Variants in GOLM2 observed in about 807,000 individuals in gnomAD.
GOLM2 encodes the protein golgi membrane protein 2, also known as protein GOLM2.
GOLM2 carries 26 observed loss-of-function variants against 55.9 expected under a neutral mutation model. The ratio of observed to expected loss-of-function variants is 0.47; its 90% CI spans 0.34 to 0.65. GOLM2 has a LOEUF of 0.65. Ranked by LOEUF, GOLM2 falls within the 30% of genes least tolerant of loss-of-function variation. The pLI, the probability that GOLM2 is intolerant of heterozygous loss-of-function variation, is 0.01. For synonymous variants in GOLM2, 165 were observed against 194.6 expected (o/e 0.85, Z 1.27); for missense variants, 486 against 531.8 (o/e 0.91, Z 0.85).
At chr15:44,300,309 C>G (rs1023827630) in intron 1 of GOLM2, among the ~76,000 whole-genome samples, 15 of 152,014 alleles carry the variant, frequency 9.9e-5, no homozygotes, top group African/African-American at 3.6e-4. Flanking sequence ...TATTGAAACC[C>G]AAGTATATTA....
intron 9 of GOLM2, among the ~76,000 whole-genome samples, chr15:44,412,957 C>T (rs573453024): frequency 2.8e-4 from 43 of 151,102 alleles, no homozygotes; most frequent in Admixed American, 1.9e-3. Context: ...GAGCCAAGAT[C>T]GCACCACTGC....
chr15:44,327,189 G>A (rs999846769), intron 2 of GOLM2, among the ~76,000 whole-genome samples: 5 of 151,010 alleles, frequency 3.3e-5, no homozygotes, highest in African/African-American at 9.7e-5. Context: ...GACCTCAGGC[G>A]ATCCACCCGC....
chr15:44,289,636 G>T lies in GOLM2; in HGVS notation c.327+280G>T, dbSNP rs952013716. Among the ~76,000 whole-genome samples, 1 of 152,226 alleles carries T rather than the reference G, an allele frequency of 6.6e-6. No homozygotes were observed. The highest frequency in any genetic ancestry group is 2.4e-5 in the African/African-American group (1 of 41,462). ...TCTAAGCTCAGCTGGTGAGTTGGCA[G>T]TAGTAATCATCTGGCCTGTGTGGCC... On this transcript the variant is annotated intron_variant, in intron 1 of 9. Transcript: ENST00000299957. This position sits in a 1 kb window ranked among gnomAD's most constrained non-coding sequence, Gnocchi z 4.8.
At chr15:44,355,113 C>A in intron 6 of GOLM2, 1 of 187,858 alleles carries the variant, frequency 5.3e-6, no homozygotes, top group Non-Finnish European at 1.1e-5. Flanking sequence ...CGAAAGCAAC[C>A]TCACAATCAT....
intron 1 of GOLM2, among the ~76,000 whole-genome samples, chr15:44,300,892 G>C (rs190761464): frequency 6.6e-6 from 1 of 152,124 alleles, no homozygotes; most frequent in Non-Finnish European, 1.5e-5. Flanking sequence ...TTCTTACACT[G>C]TTTCTGGCCA....
intron 8 of GOLM2, among the ~76,000 whole-genome samples, chr15:44,398,565 A>G (rs2079542402): frequency 6.6e-6 from 1 of 151,630 alleles, no homozygotes; most frequent in Non-Finnish European, 1.5e-5. Context: ...ATACTTTGTC[A>G]TTGGATTTAA....
intron 9 of GOLM2, among the ~76,000 whole-genome samples, chr15:44,407,360 G>A (rs1034366570): frequency 6.6e-6 from 1 of 150,918 alleles, no homozygotes; most frequent in African/African-American, 2.4e-5. Flanking sequence ...CGACCTCCTG[G>A]GGTCAAGTGA....
At chr15:44,327,976 C>T (rs139101053) in intron 2 of GOLM2, among the ~76,000 whole-genome samples, 219 of 152,204 alleles carry the variant, frequency 1.4e-3, no homozygotes, top group African/African-American at 5.0e-3. Flanking sequence ...TGTTGGTAGT[C>T]GAATGTGATT....
chr15:44,334,904 A>G (rs888382239), intron 4 of GOLM2, among the ~76,000 whole-genome samples: 1 of 152,126 alleles, frequency 6.6e-6, no homozygotes, highest in Non-Finnish European at 1.5e-5. Flanking sequence ...GGTGGCTGGC[A>G]CCTGTAATCC....
chr15:44,389,053 G>C (rs1475778549), intron 8 of GOLM2, among the ~76,000 whole-genome samples: 4 of 151,906 alleles, frequency 2.6e-5, no homozygotes, highest in Non-Finnish European at 1.5e-5. Flanking sequence ...TCCTGACCTC[G>C]TGATCTGCCT....
intron 8 of GOLM2, among the ~76,000 whole-genome samples, chr15:44,390,612 C>G (rs972707101): frequency 3.3e-5 from 5 of 150,442 alleles, no homozygotes; most frequent in African/African-American, 1.2e-4. Flanking sequence ...GTTGCCCAGG[C>G]TGGAGTGCAA....
rs959396878 is a variant in GOLM2, at chr15:44,291,847, A to AG, written c.327+2491_327+2492insG. ...ATATTTCTTAGGTGGTGAGGAGAAA[A>AG]AAATGAAAACCTTTTTTGGAGGGAA... On this transcript the variant is annotated intron_variant, in intron 1 of 9. Coordinates refer to ENST00000299957, the MANE Select transcript of GOLM2 (RefSeq NM_138423.4). Among the ~76,000 whole-genome samples the AG allele has an allele frequency of 7.9e-5, 12 of 152,332 alleles. 1 individual carries two copies. Among genetic ancestry groups the AG allele is most frequent in the African/African-American group, 2.9e-4 (12 of 41,576 alleles).
intron 6 of GOLM2, among the ~76,000 whole-genome samples, chr15:44,343,236 G>GGCAGGAGA (rs2079100479): frequency 6.6e-6 from 1 of 151,764 alleles, no homozygotes; most frequent in African/African-American, 2.4e-5. Flanking sequence ...GGGAGGCTGA[G>GGCAGGAGA]GCAGGAGAAT....
chr15:44,321,916 G>A (rs993767848), intron 1 of GOLM2, among the ~76,000 whole-genome samples: 1 of 151,926 alleles, frequency 6.6e-6, no homozygotes, highest in African/African-American at 2.4e-5. Context: ...AAAATTAACT[G>A]GGTATTATGA....
chr15:44,323,827 C>T (rs553619032), intron 2 of GOLM2, among the ~76,000 whole-genome samples: 22 of 152,256 alleles, frequency 1.4e-4, no homozygotes, highest in South Asian at 2.1e-4. Context: ...ATTGTCCTCT[C>T]GAAGTAGCCA....
chr15:44,360,589 C>A (rs1352159235), intron 6 of GOLM2, among the ~76,000 whole-genome samples: 1 of 152,132 alleles, frequency 6.6e-6, no homozygotes, highest in Admixed American at 6.5e-5. Flanking sequence ...CTTAGACTCC[C>A]ACACATTAAT....
At chr15:44,297,620 G>T (rs1307389688) in intron 1 of GOLM2, among the ~76,000 whole-genome samples, 4 of 150,872 alleles carry the variant, frequency 2.7e-5, no homozygotes, top group African/African-American at 9.7e-5. Context: ...GGAGTGCAGT[G>T]GTGTGATCTT....
intron 1 of GOLM2, among the ~76,000 whole-genome samples, chr15:44,317,223 A>C (rs2078916400): frequency 6.6e-6 from 1 of 151,604 alleles, no homozygotes; most frequent in Non-Finnish European, 1.5e-5. Flanking sequence ...AAAAGACAAA[A>C]AAAATTATCT....
At chr15:44,341,103 CAG>C (rs1213279553) in intron 6 of GOLM2, among the ~76,000 whole-genome samples, 7 of 124,852 alleles carry the variant, frequency 5.6e-5, no homozygotes. Context: ...TTTTTTGAGA[CAG>C]AGTCTCACTC....
Sources: gnomAD v4.1 joint callset for allele counts (sites outside exome capture counted in the v4.1 genomes callset) on GRCh38, gnomAD v4.1.1 for gene constraint, Gnocchi (gnomAD v3.1) non-coding constraint, MANE v1.5 for transcripts, NCBI Gene and HGNC (gene_info 2026-07-23, HGNC 2026-07-21) for gene names.